The following TTLL13 variants were observed in gnomAD, a reference collection of about 807,000 sequenced individuals.
TTLL13 encodes tubulin tyrosine ligase like 13.
At chr15:90,257,276 A>C in the TTLL13 span, 1 of 1,611,532 alleles carries the variant, frequency 6.2e-7, no homozygotes, top group Non-Finnish European at 8.5e-7. Flanking sequence ...CAGCCATAAC[A>C]ACCTGGTAAG....
chr15:90,262,661 GAGA>G, the TTLL13 span: 3 of 1,488,072 alleles, frequency 2.0e-6, no homozygotes, highest in Non-Finnish European at 8.9e-7. Flanking sequence ...CCGCAACTGG[GAGA>G]AAGAGGTGCC....
chr15:90,258,778 C>T, the TTLL13 span: 4 of 1,614,164 alleles, frequency 2.5e-6, no homozygotes, highest in African/African-American at 1.3e-5. Context: ...CGGACTCATG[C>T]CTTGATCAAG....
the TTLL13 span, chr15:90,250,502 A>C: frequency 8.4e-7 from 1 of 1,185,252 alleles, no homozygotes; most frequent in Non-Finnish European, 1.2e-6. Context: ...CTGAAGGGGC[A>C]GCAACTTTCC....
the TTLL13 span, chr15:90,259,164 AC>A: frequency 1.3e-6 from 1 of 751,750 alleles, no homozygotes; most frequent in Non-Finnish European, 1.9e-6. Context: ...AGAGTTCAAC[AC>A]CAGACTGGGC....
the TTLL13 span, chr15:90,257,031 T>G: frequency 2.8e-6 from 3 of 1,087,568 alleles, no homozygotes; most frequent in Non-Finnish European, 4.0e-6. Flanking sequence ...CTATTTTACA[T>G]GGTTATTGTG....
chr15:90,256,326 T>TC, the TTLL13 span: 6 of 1,613,726 alleles, frequency 3.7e-6, no homozygotes, highest in Non-Finnish European at 5.1e-6. Flanking sequence ...CCATCAGCCT[T>TC]CCCTAGTCCC....
the TTLL13 span, chr15:90,257,325 G>A: frequency 1.3e-6 from 2 of 1,580,416 alleles, no homozygotes; most frequent in South Asian, 1.2e-5. Context: ...TGCCAAAAGT[G>A]CTGAGGTTCT....
chr15:90,264,534 T>A, the TTLL13 span, among the ~76,000 whole-genome samples: 1 of 152,100 alleles, frequency 6.6e-6, no homozygotes, highest in East Asian at 1.9e-4. Flanking sequence ...GTCCCAGCAC[T>A]CAAGAGGTAA....
the TTLL13 span, chr15:90,249,947 T>TTTAATTTATTTA: frequency 6.8e-6 from 1 of 147,574 alleles, no homozygotes; most frequent in Non-Finnish European, 1.5e-5. Context: ...CTGTATTTTA[T>TTTAATTTATTTA]TTTATTTATT....
the TTLL13 span, chr15:90,253,519 G>C: frequency 3.9e-6 from 2 of 513,718 alleles, no homozygotes; most frequent in Non-Finnish European, 6.9e-6. Flanking sequence ...TTTTCCAATG[G>C]AAAGATCTCC....
At chr15:90,250,956 C>G in the TTLL13 span, 1 of 1,550,126 alleles carries the variant, frequency 6.5e-7, no homozygotes, top group Non-Finnish European at 8.7e-7. Flanking sequence ...CCTTCAACAT[C>G]TGGAGGAGCT....
At chr15:90,263,475 A>T in the TTLL13 span, 3 of 494,270 alleles carry the variant, frequency 6.1e-6, no homozygotes, top group East Asian at 6.5e-5. Context: ...TGGCTTCTGT[A>T]TAATTTTCTC....
chr15:90,250,570 G>GGAGGTCT, the TTLL13 span: 6 of 1,551,666 alleles, frequency 3.9e-6, no homozygotes, highest in Admixed American at 4.0e-5. Context: ...AGGGCCTGAG[G>GGAGGTCT]GAGGTCTGAG....
At chr15:90,256,391 C>T in the TTLL13 span, 22 of 1,491,574 alleles carry the variant, frequency 1.5e-5, no homozygotes, top group African/African-American at 2.9e-4. Context: ...TGGTCTTAGG[C>T]TTCTACCCTT....
the TTLL13 span, among the ~76,000 whole-genome samples, chr15:90,259,850 C>T: frequency 6.6e-6 from 1 of 152,242 alleles, no homozygotes; most frequent in Non-Finnish European, 1.5e-5. Context: ...AACATGGTAA[C>T]TGGTCACCGA....
the TTLL13 span, among the ~76,000 whole-genome samples, chr15:90,255,031 A>C: frequency 6.6e-6 from 1 of 152,218 alleles, no homozygotes; most frequent in Admixed American, 6.5e-5. Flanking sequence ...AAGTTCATAC[A>C]GTGAGTGCGG....
the TTLL13 span, chr15:90,257,147 A>C: frequency 1.2e-5 from 20 of 1,613,304 alleles, no homozygotes; most frequent in Middle Eastern, 3.3e-4. Context: ...GCCCCTCCTC[A>C]TTGATGGCTT....
At chr15:90,256,129 C>T in the TTLL13 span, 1 of 1,613,452 alleles carries the variant, frequency 6.2e-7, no homozygotes, top group South Asian at 1.1e-5. Context: ...ACCAGGCCCT[C>T]TCTGCACATA....
chr15:90,263,719 G>A, the TTLL13 span: 1 of 653,794 alleles, frequency 1.5e-6, no homozygotes, highest in African/African-American at 1.8e-5. Context: ...AATGTGGTAA[G>A]GGGCTGCTCT....
Sources: gnomAD v4.1 joint callset for allele counts (sites outside exome capture counted in the v4.1 genomes callset) on GRCh38, gnomAD v4.1.1 for gene constraint, MANE v1.5 for transcripts, NCBI Gene and HGNC (gene_info 2026-07-23, HGNC 2026-07-21) for gene names.